LYPD1: variants seen among roughly 807,000 people sequenced by gnomAD.
LYPD1 encodes the protein ly6/PLAUR domain-containing protein 1.
A neutral mutation model predicts 14.2 loss-of-function variants in LYPD1; 14 were observed. That is an observed-to-expected ratio of 0.99 (90% CI 0.65 to 1.54). The LOEUF is 1.54. Among genes scored for constraint, LYPD1 ranks in the 40% most tolerant of loss-of-function variants. LYPD1 has a pLI of 0.00. For synonymous variants in LYPD1, 85 were observed against 70.6 expected (o/e 1.20, Z -1.02); for missense variants, 165 against 175.7 (o/e 0.94, Z 0.34).
Position 132,644,999 on chromosome 2 carries a change from C to T in LYPD1, c.*1046G>A, listed in dbSNP as rs951157474. The T allele has an allele frequency of 2.9e-6, 4 of 1,359,648 alleles. No individual in the cohort carries two copies. Among genetic ancestry groups the T allele is most frequent in the Non-Finnish European group, 4.0e-6 (4 of 1,003,648 alleles). 84.2% of individuals were successfully genotyped at this position (1,359,648 alleles called of 1,614,324 possible). ...GGTACCATTTCCTGGCCAGTAAGCA[C>T]AGAACAGAGGGGCTAAATATTTTAT... On this transcript the variant is annotated 3_prime_UTR_variant, in exon 3 of 3. Transcript: ENST00000397463.
intron 2 of LYPD1, among the ~76,000 whole-genome samples, chr2:132,657,937 C>T (rs976195724): frequency 6.6e-6 from 1 of 152,162 alleles, no homozygotes; most frequent in African/African-American, 2.4e-5. Flanking sequence ...ATCTGGCAGA[C>T]AATCACAGTT....
chr2:132,651,756 T>C (rs1272546904), intron 2 of LYPD1, among the ~76,000 whole-genome samples: 2 of 152,198 alleles, frequency 1.3e-5, no homozygotes, highest in African/African-American at 4.8e-5. Context: ...CAAAGCAATA[T>C]AATACGTGCT....
At position 132,646,259 on chromosome 2, in the gene LYPD1, C is replaced by CAGGACTTGCGGT; in HGVS notation, c.200_211dup (p.Tyr67_Ser70dup). On this transcript the variant is annotated inframe_insertion, in exon 3 of 3. Coordinates refer to ENST00000397463, the MANE Select transcript of LYPD1 (RefSeq NM_144586.7). ...GATGAGACAGGCCGCTGATGATGCA[C>CAGGACTTGCGGT]AGGACTTGCGGTACATGATCCCTGT... The CAGGACTTGCGGT allele has an allele frequency of 6.4e-7, 1 of 1,562,778 alleles. No individual in the cohort carries two copies. Among genetic ancestry groups the CAGGACTTGCGGT allele is most frequent in the Non-Finnish European group, 8.7e-7 (1 of 1,151,522 alleles).
At chr2:132,654,231 A>AT (rs1411437463) in intron 2 of LYPD1, among the ~76,000 whole-genome samples, 1 of 152,064 alleles carries the variant, frequency 6.6e-6, no homozygotes, top group Non-Finnish European at 1.5e-5. Context: ...CACATACAAC[A>AT]TTTTTTAAAA....
At position 132,670,056 on chromosome 2, in the gene LYPD1, G is replaced by T. The variant is rs1683579021; in HGVS notation, c.-124C>A. The T allele has an allele frequency of 6.5e-7, 1 of 1,530,144 alleles. No homozygotes were observed. The allele number at this position is 1,530,144 out of a possible 1,614,324, so 94.8% of individuals were successfully genotyped here. ...CTGGGGCCCGCGCTGCTGCCGCGGAGACGACGGTCGTAGCTTAGAGGAGCC... is the reference window on the plus strand; with the variant it reads ...CTGGGGCCCGCGCTGCTGCCGCGGATACGACGGTCGTAGCTTAGAGGAGCC... On this transcript the variant is annotated 5_prime_UTR_variant, in exon 1 of 3. Coordinates refer to ENST00000397463, the MANE Select transcript of LYPD1 (RefSeq NM_144586.7). This position sits in a 1 kb window ranked among gnomAD's most constrained non-coding sequence, Gnocchi z 4.5.
At chr2:132,670,237 T>G, upstream of LYPD1, 1 of 663,676 alleles carries the variant, frequency 1.5e-6, no homozygotes, top group Non-Finnish European at 2.1e-6. This position sits in a 1 kb window ranked among gnomAD's most constrained non-coding sequence, Gnocchi z 4.5. Flanking sequence ...CCCACAAAAG[T>G]CTCGCCTTTT....
intron 2 of LYPD1, among the ~76,000 whole-genome samples, chr2:132,658,960 G>A (rs1242724226): frequency 6.6e-6 from 1 of 151,904 alleles, no homozygotes; most frequent in African/African-American, 2.4e-5. Context: ...AGAGGTGTGT[G>A]TGTGTGTGTG....
intron 2 of LYPD1, among the ~76,000 whole-genome samples, chr2:132,653,290 T>C (rs1682425526): frequency 6.6e-6 from 1 of 152,234 alleles, no homozygotes. Flanking sequence ...TCTGGACCAA[T>C]GACCCAGTGG....
rs1240601600 is a variant in LYPD1 at position 132,645,796 on chromosome 2, A to T, written c.*249T>A. 7 of 800,402 alleles carry T rather than the reference A, an allele frequency of 8.7e-6. No individual in the cohort carries two copies. The highest frequency in any genetic ancestry group is 3.7e-4 in the Middle Eastern group (1 of 2,712). 49.6% of individuals were successfully genotyped at this position (800,402 alleles called of 1,614,324 possible). On this transcript the variant is annotated 3_prime_UTR_variant, in exon 3 of 3. Coordinates refer to ENST00000397463, the MANE Select transcript of LYPD1 (RefSeq NM_144586.7). Reference sequence around the variant, plus strand: ...CCAGCCTGGCCTTGACTCCGGTTACACAGACATGGGGGTGAACTTTCACTC... The same window carrying T: ...CCAGCCTGGCCTTGACTCCGGTTACTCAGACATGGGGGTGAACTTTCACTC...
chr2:132,654,417 T>A (rs1682474961), intron 2 of LYPD1, among the ~76,000 whole-genome samples: 1 of 136,796 alleles, frequency 7.3e-6, no homozygotes, highest in Non-Finnish European at 1.6e-5. Context: ...AAAAAAAAAA[T>A]TGGTACGAAT....
chr2:132,646,552 T>G, intron 2 of LYPD1: 2 of 338,154 alleles, frequency 5.9e-6, no homozygotes, highest in Admixed American at 4.8e-5. Context: ...AGCTGTTAAA[T>G]AGACTTATTT....
chr2:132,663,891 A>G (rs2104922639), intron 2 of LYPD1, among the ~76,000 whole-genome samples: 1 of 152,330 alleles, frequency 6.6e-6, no homozygotes, highest in Non-Finnish European at 1.5e-5. Context: ...CTTCATGCCT[A>G]CAACATAGCA....
intron 2 of LYPD1, among the ~76,000 whole-genome samples, chr2:132,647,559 C>T (rs968349924): frequency 2.6e-5 from 4 of 152,210 alleles, no homozygotes; most frequent in African/African-American, 9.7e-5. Flanking sequence ...TCTCGATCTC[C>T]TGACCTTGTG....
intron 2 of LYPD1, among the ~76,000 whole-genome samples, chr2:132,654,014 G>A (rs1318739165): frequency 1.3e-5 from 2 of 152,198 alleles, no homozygotes; most frequent in East Asian, 3.9e-4. Flanking sequence ...TGGGATCCTG[G>A]ATAGGATCTT....
At position 132,669,763 on chromosome 2, in the gene LYPD1, C is replaced by T; in HGVS notation, c.52+118G>A. 1 of 1,481,256 alleles carries T rather than the reference C, an allele frequency of 6.8e-7. No individual in the cohort carries two copies. Among genetic ancestry groups the T allele is most frequent in the Non-Finnish European group, 8.9e-7 (1 of 1,123,346 alleles). 91.8% of individuals were successfully genotyped at this position (1,481,256 alleles called of 1,614,324 possible). A position where few individuals can be genotyped will look rare whatever the true frequency, so the allele number is the denominator to read the frequency against. On this transcript the variant is annotated intron_variant, in intron 1 of 2. Transcript: ENST00000397463. The surrounding 1 kb of genome is among the most constrained non-coding windows in gnomAD (Gnocchi z 4.3). Reference sequence around the variant, plus strand: ...GGCACCAGTCGCGGCCGCCAACTCCCGCTGGGCAGCCCCAGCGCAGGGCTG... The same window carrying T: ...GGCACCAGTCGCGGCCGCCAACTCCTGCTGGGCAGCCCCAGCGCAGGGCTG...
intron 2 of LYPD1, among the ~76,000 whole-genome samples, chr2:132,654,206 G>C (rs1407027290): frequency 6.6e-6 from 1 of 152,270 alleles, no homozygotes; most frequent in African/African-American, 2.4e-5. Flanking sequence ...TTTTCTATAA[G>C]TCTCAATTTA....
Position 132,645,991 on chromosome 2 carries a change from T to C in LYPD1, c.*54A>G. 1 of 1,346,086 alleles carries C rather than the reference T, an allele frequency of 7.4e-7. No homozygotes were observed. The highest frequency in any genetic ancestry group is 1.5e-5 in the South Asian group (1 of 64,784). 83.4% of individuals were successfully genotyped at this position (1,346,086 alleles called of 1,614,324 possible). A position where few individuals can be genotyped will look rare whatever the true frequency, so the allele number is the denominator to read the frequency against. On this transcript the variant is annotated 3_prime_UTR_variant, in exon 3 of 3. Coordinates refer to ENST00000397463, the MANE Select transcript of LYPD1 (RefSeq NM_144586.7). ...GAAACTCACTCAGGGAGGTGGGGGGTTGGGGGCGAGGGCTGGAAGAACAAT... is the reference window on the plus strand; with the variant it reads ...GAAACTCACTCAGGGAGGTGGGGGGCTGGGGGCGAGGGCTGGAAGAACAAT...
Position 132,645,254 on chromosome 2 carries a change from C to G in LYPD1, c.*791G>C, listed in dbSNP as rs377006153. On this transcript the variant is annotated 3_prime_UTR_variant, in exon 3 of 3. Transcript: ENST00000397463. ...TCGGAGACGTTTTTCTACCTCAGCT[C>G]GGTCATCAACCCGCTCCTGTACACG... is the stretch of plus-strand genomic sequence containing the variant. 6.2e-7 allele frequency: 1 copy of G among 1,614,064 alleles called. No individual in the cohort carries two copies. Among genetic ancestry groups the G allele is most frequent in the South Asian group, 1.1e-5 (1 of 91,078 alleles).
chr2:132,666,368 T>C (rs998400197), intron 2 of LYPD1, among the ~76,000 whole-genome samples: 4 of 152,194 alleles, frequency 2.6e-5, no homozygotes, highest in African/African-American at 9.7e-5. Context: ...AGTTTAGGCT[T>C]AGAATGCCTT....
Sources: allele counts gnomAD v4.1 joint callset (sites outside exome capture counted in the v4.1 genomes callset), GRCh38; gene constraint gnomAD v4.1.1; non-coding constraint Gnocchi (gnomAD v3.1); transcripts MANE v1.5; gene names NCBI Gene and HGNC (gene_info 2026-07-23, HGNC 2026-07-21).